Variants in AKAP19 observed in about 807,000 individuals in gnomAD.
AKAP19 encodes the protein A-kinase anchoring protein 19, also known as small A-kinase anchoring protein.
the AKAP19 span, among the ~76,000 whole-genome samples, chr2:189,887,109 T>G: frequency 6.6e-6 from 1 of 152,210 alleles, no homozygotes; most frequent in East Asian, 1.9e-4. Context: ...TCATCTATTT[T>G]AGGTATTTCT....
the AKAP19 span, among the ~76,000 whole-genome samples, chr2:190,018,818 G>A: frequency 4.6e-5 from 7 of 152,194 alleles, no homozygotes; most frequent in African/African-American, 1.4e-4. Context: ...CATGTAGCCT[G>A]TGATTCTGGA....
the AKAP19 span, among the ~76,000 whole-genome samples, chr2:190,130,716 A>T: frequency 1.3e-5 from 2 of 152,232 alleles, no homozygotes; most frequent in African/African-American, 4.8e-5. Context: ...CTATCAGTTT[A>T]TTCCTATGCT....
the AKAP19 span, among the ~76,000 whole-genome samples, chr2:190,106,214 G>A: frequency 1.3e-5 from 2 of 152,110 alleles, no homozygotes; most frequent in African/African-American, 4.8e-5. Context: ...CATCTAAATG[G>A]CCTCATATGC....
At chr2:190,068,093 C>T in the AKAP19 span, among the ~76,000 whole-genome samples, 1 of 151,984 alleles carries the variant, frequency 6.6e-6, no homozygotes, top group Non-Finnish European at 1.5e-5. Flanking sequence ...GAGACCCTCT[C>T]TAAAAAAACA....
the AKAP19 span, among the ~76,000 whole-genome samples, chr2:189,940,045 C>T: frequency 2.6e-5 from 4 of 151,850 alleles, no homozygotes; most frequent in African/African-American, 9.7e-5. Flanking sequence ...TTTGGGAGGC[C>T]GAGGTGGGTG....
the AKAP19 span, among the ~76,000 whole-genome samples, chr2:190,041,748 C>T: frequency 2.6e-5 from 4 of 152,150 alleles, no homozygotes; most frequent in African/African-American, 9.6e-5. Flanking sequence ...TTATTGAAAG[C>T]CTGTTTTGCA....
At chr2:190,201,717 G>A in the AKAP19 span, 9 of 166,848 alleles carry the variant, frequency 5.4e-5, no homozygotes, top group Non-Finnish European at 1.2e-4. Flanking sequence ...TAATTTTACC[G>A]AGTCCCGGGA....
chr2:189,887,061 T>C, the AKAP19 span, among the ~76,000 whole-genome samples: 1 of 152,194 alleles, frequency 6.6e-6, no homozygotes, highest in African/African-American at 2.4e-5. Context: ...TACATAGGTA[T>C]ACACGTGTCA....
chr2:190,003,601 C>T, the AKAP19 span, among the ~76,000 whole-genome samples: 4 of 152,206 alleles, frequency 2.6e-5, no homozygotes, highest in South Asian at 2.1e-4. Flanking sequence ...CGGTGGCTCA[C>T]GCCTGTAATT....
chr2:190,093,266 A>AG, the AKAP19 span, among the ~76,000 whole-genome samples: 2 of 151,666 alleles, frequency 1.3e-5, no homozygotes, highest in African/African-American at 4.8e-5. Flanking sequence ...CTACTAAAAA[A>AG]AAAAAAAAAT....
chr2:189,955,721 T>C, the AKAP19 span, among the ~76,000 whole-genome samples: 5 of 152,336 alleles, frequency 3.3e-5, no homozygotes, highest in South Asian at 6.2e-4. Context: ...ATTAGTGATA[T>C]TGAGCGAGCA....
chr2:189,924,047 A>T, the AKAP19 span: 1 of 1,542,282 alleles, frequency 6.5e-7, no homozygotes, highest in Non-Finnish European at 9.0e-7. Context: ...TAATGTGAAG[A>T]TGGAGTCTGA....
chr2:189,900,202 G>C, the AKAP19 span, among the ~76,000 whole-genome samples: 4 of 151,966 alleles, frequency 2.6e-5, no homozygotes, highest in Non-Finnish European at 5.9e-5. Flanking sequence ...ATAAACAATT[G>C]TTTATAATGA....
chr2:189,974,939 G>GC, the AKAP19 span, among the ~76,000 whole-genome samples: 1 of 152,104 alleles, frequency 6.6e-6, no homozygotes, highest in Admixed American at 6.5e-5. Flanking sequence ...TATCCAATTT[G>GC]CCAGTCTGTG....
At chr2:190,168,919 G>T in the AKAP19 span, among the ~76,000 whole-genome samples, 1 of 152,122 alleles carries the variant, frequency 6.6e-6, no homozygotes, top group African/African-American at 2.4e-5. Flanking sequence ...CCTCCAAACT[G>T]TTCCAAACTC....
the AKAP19 span, among the ~76,000 whole-genome samples, chr2:190,049,440 C>T: frequency 2.5e-4 from 38 of 152,224 alleles, no homozygotes; most frequent in African/African-American, 7.7e-4. Context: ...TAAATTGGCA[C>T]AACTTCTACA....
the AKAP19 span, among the ~76,000 whole-genome samples, chr2:189,887,597 G>A: frequency 2.0e-5 from 3 of 152,182 alleles, no homozygotes; most frequent in African/African-American, 7.2e-5. Flanking sequence ...CAGCATAAAA[G>A]CATTCCTGTT....
At chr2:190,154,621 C>T in the AKAP19 span, among the ~76,000 whole-genome samples, 4 of 152,120 alleles carry the variant, frequency 2.6e-5, no homozygotes, top group East Asian at 7.7e-4. Context: ...AATTGAGTTG[C>T]ATTGTCTTAG....
the AKAP19 span, among the ~76,000 whole-genome samples, chr2:190,110,810 T>C: frequency 6.6e-6 from 1 of 152,154 alleles, no homozygotes; most frequent in Non-Finnish European, 1.5e-5. Context: ...TGCTGGCACT[T>C]TCCGATGCCG....
Sources: gnomAD v4.1 joint callset for allele counts (sites outside exome capture counted in the v4.1 genomes callset) on GRCh38, gnomAD v4.1.1 for gene constraint, MANE v1.5 for transcripts, NCBI Gene and HGNC (gene_info 2026-07-23, HGNC 2026-07-21) for gene names.